The following COMMD1 variants were observed in gnomAD, a reference collection of about 807,000 sequenced individuals.
COMMD1 encodes the protein COMM domain-containing protein 1.
COMMD1 carries 10 observed loss-of-function variants against 17.2 expected under a neutral mutation model. The observed-to-expected ratio is 0.58, with a 90% CI of 0.36 to 0.99. The LOEUF is 0.99. Among genes scored for constraint, COMMD1 ranks in the 50% least tolerant of loss-of-function variants. The probability of loss-of-function intolerance (pLI) is 0.01; values close to 1 mark genes in which losing one functional copy is unlikely to be tolerated. For synonymous variants in COMMD1, 97 were observed against 91.6 expected (o/e 1.06, Z -0.34); for missense variants, 270 against 231.8 (o/e 1.17, Z -1.07).
intron 2 of COMMD1, among the ~76,000 whole-genome samples, chr2:62,114,523 T>C (rs1005308532): frequency 4.6e-5 from 7 of 152,186 alleles, no homozygotes; most frequent in African/African-American, 1.7e-4. Flanking sequence ...GAAAATTGCT[T>C]GATTTGAGTA....
Position 62,000,910 on chromosome 2 carries a change from T to C in COMMD1, c.390T>C (p.Ser130=). Residue 130 remains serine (S), a synonymous_variant, in exon 2 of 3, where the codon TCT becomes TCC. Coordinates refer to ENST00000311832, the MANE Select transcript of COMMD1 (RefSeq NM_152516.4). ...RGLSWRVDGK[S]QSRHSAQIHT... ...TGAGCTGGAGAGTTGATGGCAAGTCTCAGTCAAGGCACTCAGCTCAAATAC... is the reference window on the plus strand; with the variant it reads ...TGAGCTGGAGAGTTGATGGCAAGTCCCAGTCAAGGCACTCAGCTCAAATAC... 1 of 1,614,170 alleles carries C rather than the reference T, an allele frequency of 6.2e-7. No individual in the cohort carries two copies. Among genetic ancestry groups the C allele is most frequent in the South Asian group, 1.1e-5 (1 of 91,084 alleles).
intron 1 of COMMD1, among the ~76,000 whole-genome samples, chr2:61,944,618 T>G (rs1364494915): frequency 6.6e-6 from 1 of 152,154 alleles, no homozygotes; most frequent in Non-Finnish European, 1.5e-5. Context: ...CCATTACACA[T>G]GCCAAGGCCA....
At chr2:62,075,545 T>C (rs1285018105) in intron 2 of COMMD1, among the ~76,000 whole-genome samples, 1 of 152,234 alleles carries the variant, frequency 6.6e-6, no homozygotes, top group Non-Finnish European at 1.5e-5. Context: ...GATATAATCA[T>C]ATGAGGTAAG....
intron 1 of COMMD1, among the ~76,000 whole-genome samples, chr2:61,943,173 C>G (rs1670798117): frequency 6.6e-6 from 1 of 152,138 alleles, no homozygotes; most frequent in South Asian, 2.1e-4. Flanking sequence ...CTGAATTTTT[C>G]TTGATGTAAT....
At chr2:62,027,681 G>A (rs1669800232) in intron 2 of COMMD1, among the ~76,000 whole-genome samples, 1 of 150,652 alleles carries the variant, frequency 6.6e-6, no homozygotes, top group African/African-American at 2.5e-5. Context: ...GTTATGTTAT[G>A]TTATTTTTTT....
At chr2:61,923,079 C>A (rs1670238263) in intron 1 of COMMD1, among the ~76,000 whole-genome samples, 1 of 152,184 alleles carries the variant, frequency 6.6e-6, no homozygotes, top group Non-Finnish European at 1.5e-5. Context: ...AGATACTAAG[C>A]TGTTCTTTCA....
intron 2 of COMMD1, among the ~76,000 whole-genome samples, chr2:62,012,258 AACACACACACATACACACACACAC>A (rs1034829327): frequency 2.9e-5 from 3 of 102,296 alleles, no homozygotes; most frequent in African/African-American, 1.2e-4. Context: ...CCTTGTCTCA[AACACACACACATACACACACACAC>A]ACACACACAC....
At chr2:62,041,338 T>C (rs975044525) in intron 2 of COMMD1, among the ~76,000 whole-genome samples, 2 of 152,192 alleles carry the variant, frequency 1.3e-5, no homozygotes, top group African/African-American at 2.4e-5. Context: ...AAATTACATT[T>C]GTAAAGTTGA....
intron 1 of COMMD1, among the ~76,000 whole-genome samples, chr2:61,897,809 C>T (rs896467206): frequency 9.2e-5 from 14 of 152,108 alleles, no homozygotes; most frequent in African/African-American, 2.7e-4. Flanking sequence ...ATGTCCTAGG[C>T]CCTGTCTGTT....
chr2:61,907,200 G>A (rs1211260530), intron 1 of COMMD1, among the ~76,000 whole-genome samples: 1 of 152,166 alleles, frequency 6.6e-6, no homozygotes, highest in African/African-American at 2.4e-5. Flanking sequence ...CCACCTCCTG[G>A]GGTTCGAGCC....
intron 2 of COMMD1, among the ~76,000 whole-genome samples, chr2:62,060,678 T>G (rs1467468662): frequency 1.3e-5 from 2 of 152,136 alleles, no homozygotes; most frequent in Non-Finnish European, 2.9e-5. Flanking sequence ...GGGCAGGGAG[T>G]TGGCTTAGTT....
At chr2:62,074,798 T>C (rs1043916650) in intron 2 of COMMD1, among the ~76,000 whole-genome samples, 21 of 152,134 alleles carry the variant, frequency 1.4e-4, no homozygotes, top group African/African-American at 5.1e-4. Context: ...CTTTCCCTCT[T>C]AGCCATTAAG....
At chr2:61,963,852 T>C (rs984102993) in intron 1 of COMMD1, among the ~76,000 whole-genome samples, 3 of 152,204 alleles carry the variant, frequency 2.0e-5, no homozygotes, top group Admixed American at 1.3e-4. Flanking sequence ...GCACTTTACC[T>C]ACCAGTTTTC....
intron 2 of COMMD1, among the ~76,000 whole-genome samples, chr2:62,089,443 C>A (rs1159661186): frequency 2.0e-5 from 3 of 151,836 alleles, no homozygotes; most frequent in Non-Finnish European, 2.9e-5. Context: ...GCTACCACAT[C>A]CGGCTAATTT....
chr2:62,007,119 G>T (rs1478363293), intron 2 of COMMD1, among the ~76,000 whole-genome samples: 1 of 152,060 alleles, frequency 6.6e-6, no homozygotes, highest in Non-Finnish European at 1.5e-5. Context: ...TTTCTTTGTT[G>T]TTTTTTAATT....
intron 2 of COMMD1, among the ~76,000 whole-genome samples, chr2:62,113,163 A>G (rs1672499800): frequency 6.6e-6 from 1 of 151,786 alleles, no homozygotes; most frequent in Admixed American, 6.6e-5. Context: ...TGGGCAACAT[A>G]GCAAGACTCC....
intron 2 of COMMD1, among the ~76,000 whole-genome samples, chr2:62,094,557 AC>A (rs1671946979): frequency 6.6e-6 from 1 of 152,190 alleles, no homozygotes; most frequent in Admixed American, 6.5e-5. Context: ...AAGGTGATAA[AC>A]AGGTGTGTTG....
intron 1 of COMMD1, among the ~76,000 whole-genome samples, chr2:61,955,576 T>G: frequency 6.6e-6 from 1 of 152,324 alleles, no homozygotes; most frequent in African/African-American, 2.4e-5. Flanking sequence ...TCTCTTCTGT[T>G]TGTTTTTTTC....
intron 1 of COMMD1, among the ~76,000 whole-genome samples, chr2:61,991,797 CAGGA>C (rs1672259364): frequency 1.3e-5 from 2 of 152,112 alleles, no homozygotes; most frequent in Admixed American, 6.6e-5. Flanking sequence ...GTGCGGGAGG[CAGGA>C]AGTTGTAAGA....
Sources: allele counts gnomAD v4.1 joint callset (sites outside exome capture counted in the v4.1 genomes callset), GRCh38; gene constraint gnomAD v4.1.1; transcripts MANE v1.5; gene names NCBI Gene and HGNC (gene_info 2026-07-23, HGNC 2026-07-21).